ARHGEF9: variants seen among roughly 807,000 people sequenced by gnomAD.
The protein encoded by ARHGEF9 is Cdc42 guanine nucleotide exchange factor 9.
In ARHGEF9, 2 loss-of-function variants were observed where a neutral mutation model predicts 41.3. The observed-to-expected ratio is 0.05, with a 90% CI of 0.02 to 0.15. The LOEUF is 0.15. Ranked by LOEUF, ARHGEF9 falls within the 10% of genes least tolerant of loss-of-function variation. ARHGEF9 has a pLI of 1.00. For missense variants in ARHGEF9, 225 were observed against 424.7 expected (o/e 0.53, Z 4.13); for synonymous variants, 160 against 154.4 (o/e 1.04, Z -0.27).
chrX:63,677,102 C>T (rs1556363172), intron 5 of ARHGEF9, among the ~76,000 whole-genome samples: 2 of 111,732 alleles, frequency 1.8e-5, no homozygotes, highest in Non-Finnish European at 3.8e-5. Context: ...TCTAACCTGT[C>T]CTACTAGTTT....
At position 63,724,512 on chromosome X, in the gene ARHGEF9, G is replaced by T; in HGVS notation, c.210+20C>A. ...AGGCAGCCAAGGAAATAGGAGAGGA[G>T]AGTGAAGACTGACACTCACCCTCAC... On this transcript the variant is annotated intron_variant, in intron 2 of 9. Coordinates refer to ENST00000671741, the MANE Select transcript of ARHGEF9 (RefSeq NM_001353921.2). The T allele has an allele frequency of 8.3e-7, 1 of 1,206,832 alleles. No homozygotes were observed. Among genetic ancestry groups the T allele is most frequent in the Non-Finnish European group, 1.1e-6 (1 of 893,076 alleles).
intron 1 of ARHGEF9, among the ~76,000 whole-genome samples, chrX:63,781,381 T>C (rs187443686): frequency 6.1e-4 from 68 of 111,544 alleles, no homozygotes; most frequent in Admixed American, 3.1e-3. Context: ...ATTAATTTAT[T>C]GGTAATCCAC....
At chrX:63,724,422 T>C in intron 2 of ARHGEF9, 110 bp downstream of exon 2, 5 of 907,466 alleles carry the variant, frequency 5.5e-6, no homozygotes, top group Middle Eastern at 7.7e-4. Flanking sequence ...GAAAAAAATA[T>C]GAGAAAAGCC....
At chrX:63,669,444 G>C (rs1231440783) in intron 6 of ARHGEF9, among the ~76,000 whole-genome samples, 1 of 111,551 alleles carries the variant, frequency 9.0e-6, no homozygotes, top group Admixed American at 9.5e-5. Flanking sequence ...ATAATTTCAC[G>C]TATTTGCTCA....
intron 4 of ARHGEF9, among the ~76,000 whole-genome samples, chrX:63,693,778 AAC>A (rs782590842): frequency 1.8e-5 from 2 of 110,932 alleles, no homozygotes; most frequent in African/African-American, 6.5e-5. Flanking sequence ...ATGGCAAATA[AAC>A]ACATGAAAAA....
chrX:63,649,572 C>T (rs1396525243), intron 8 of ARHGEF9, among the ~76,000 whole-genome samples: 6 of 111,326 alleles, frequency 5.4e-5, no homozygotes, highest in Non-Finnish European at 9.4e-5. Flanking sequence ...TAGCAGAATG[C>T]AAGAAATAAC....
chrX:63,747,433 A>G (rs1347791795), intron 1 of ARHGEF9, among the ~76,000 whole-genome samples: 2 of 111,960 alleles, frequency 1.8e-5, no homozygotes, highest in Non-Finnish European at 3.8e-5. Context: ...CCTGGGACTT[A>G]TCGAGGCTCC....
intron 8 of ARHGEF9, among the ~76,000 whole-genome samples, chrX:63,644,762 A>T (rs556353465): frequency 0.027 from 2,626 of 98,303 alleles, 50 homozygotes; most frequent in South Asian, 0.05. Flanking sequence ...TATTATTATT[A>T]TTTTTTTTTT....
At chrX:63,778,377 T>A (rs1434511078) in intron 1 of ARHGEF9, among the ~76,000 whole-genome samples, 1 of 111,822 alleles carries the variant, frequency 8.9e-6, no homozygotes, top group Non-Finnish European at 1.9e-5. Flanking sequence ...ATGAAACCAT[T>A]TTTTCCTCCT....
chrX:63,690,417 C>T (rs1297549001), intron 4 of ARHGEF9, among the ~76,000 whole-genome samples: 7 of 111,042 alleles, frequency 6.3e-5, no homozygotes, highest in African/African-American at 9.8e-5. Flanking sequence ...ATACATATGA[C>T]GTACCAAGAT....
At chrX:63,739,551 G>T (rs1457626460) in intron 1 of ARHGEF9, among the ~76,000 whole-genome samples, 1 of 111,570 alleles carries the variant, frequency 9.0e-6, no homozygotes, top group Non-Finnish European at 1.9e-5. Flanking sequence ...GAGTACATTG[G>T]GTTGGGAATC....
chrX:63,769,308 G>A (rs1456585065), intron 1 of ARHGEF9, among the ~76,000 whole-genome samples: 1 of 110,592 alleles, frequency 9.0e-6, no homozygotes, highest in Admixed American at 9.6e-5. Context: ...AAAATTTAGG[G>A]TATCAGGTGA....
intron 1 of ARHGEF9, among the ~76,000 whole-genome samples, chrX:63,735,900 C>G (rs782704202): frequency 8.9e-6 from 1 of 112,077 alleles, no homozygotes; most frequent in East Asian, 2.8e-4. Context: ...TGATTTCCCT[C>G]TACCTATTGG....
chrX:63,674,739 T>A (rs781826642), intron 5 of ARHGEF9, among the ~76,000 whole-genome samples: 2 of 111,767 alleles, frequency 1.8e-5, no homozygotes, highest in Non-Finnish European at 3.8e-5. Flanking sequence ...ACTGTTTTAC[T>A]GGGGCCCATT....
intron 1 of ARHGEF9, among the ~76,000 whole-genome samples, chrX:63,773,492 T>C: frequency 8.9e-6 from 1 of 111,851 alleles, no homozygotes; most frequent in Non-Finnish European, 1.9e-5. Flanking sequence ...AGATACAGAG[T>C]AGCGCAGTTC....
At chrX:63,766,731 C>G (rs1556451941) in intron 1 of ARHGEF9, 1 of 180,559 alleles carries the variant, frequency 5.5e-6, no homozygotes, top group East Asian at 1.4e-4. Flanking sequence ...CATGCCCTAC[C>G]TGCATTTTCC....
Position 63,635,492 on chromosome X carries a change from C to T in ARHGEF9, c.*2536G>A, listed in dbSNP as rs1556296284. ...GGACATAACAGGTTAGGATACTGAA[C>T]CCAGGTATTTAATTGGGCTCCCCTT... is the stretch of plus-strand genomic sequence containing the variant. On this transcript the variant is annotated 3_prime_UTR_variant, in exon 10 of 10. Transcript: ENST00000671741. 2 of 495,301 alleles carry T rather than the reference C, an allele frequency of 4.0e-6. No individual in the cohort carries two copies. The highest frequency in any genetic ancestry group is 6.6e-5 in the Admixed American group (2 of 30,266). The allele number at this position is 495,301 out of a possible 1,213,427, so 40.8% of individuals were successfully genotyped here.
At chrX:63,758,236 A>C (rs1323216125) in intron 1 of ARHGEF9, among the ~76,000 whole-genome samples, 6 of 109,582 alleles carry the variant, frequency 5.5e-5, no homozygotes, top group Non-Finnish European at 9.5e-5. Flanking sequence ...CAGACAAGGC[A>C]GCATGCTCCT....
intron 2 of ARHGEF9, among the ~76,000 whole-genome samples, chrX:63,715,776 A>G (rs781990866): frequency 1.8e-5 from 2 of 111,881 alleles, no homozygotes; most frequent in African/African-American, 6.5e-5. Context: ...TGTATTTTCT[A>G]CCTGCTAACA....
Sources: allele counts gnomAD v4.1 joint callset (sites outside exome capture counted in the v4.1 genomes callset), GRCh38; gene constraint gnomAD v4.1.1; transcripts MANE v1.5; gene names NCBI Gene and HGNC (gene_info 2026-07-23, HGNC 2026-07-21).